Variants in FHIT observed in about 807,000 individuals in gnomAD.
The protein encoded by FHIT is fragile histidine triad diadenosine triphosphatase, also known as bis(5'-adenosyl)-triphosphatase.
A neutral mutation model predicts 17.9 loss-of-function variants in FHIT; 19 were observed. That is an observed-to-expected ratio of 1.06 (90% CI 0.74 to 1.56). FHIT has a LOEUF of 1.56. FHIT is among the 40% of genes most tolerant of loss of function. The pLI is 0.00. For missense variants in FHIT, 248 were observed against 189.2 expected (o/e 1.31, Z -1.82); for synonymous variants, 81 against 69.7 (o/e 1.16, Z -0.81).
chr3:60,706,925 C>G (rs1354643780), intron 4 of FHIT, among the ~76,000 whole-genome samples: 1 of 152,118 alleles, frequency 6.6e-6, no homozygotes, highest in Non-Finnish European at 1.5e-5. Flanking sequence ...TCATCTTGTC[C>G]GAGAATTAAT....
intron 5 of FHIT, among the ~76,000 whole-genome samples, chr3:60,284,358 C>A (rs1707614677): frequency 6.6e-6 from 1 of 152,104 alleles, no homozygotes; most frequent in African/African-American, 2.4e-5. Flanking sequence ...AATATCCTCA[C>A]TGAACACAGT....
At chr3:59,962,680 T>C (rs1340593665) in intron 7 of FHIT, among the ~76,000 whole-genome samples, 1 of 152,230 alleles carries the variant, frequency 6.6e-6, no homozygotes, top group Non-Finnish European at 1.5e-5. Flanking sequence ...GTAAACATCT[T>C]TTCTAACCTT....
chr3:60,398,051 C>A (rs1701519191), intron 5 of FHIT, among the ~76,000 whole-genome samples: 1 of 152,072 alleles, frequency 6.6e-6, no homozygotes, highest in Non-Finnish European at 1.5e-5. Flanking sequence ...TTTCTTTTCA[C>A]TTAATGAATT....
chr3:60,298,553 C>G (rs1421827765), intron 5 of FHIT, among the ~76,000 whole-genome samples: 1 of 152,134 alleles, frequency 6.6e-6, no homozygotes, highest in Non-Finnish European at 1.5e-5. Flanking sequence ...TGACTTTTTC[C>G]CAACCGTAAA....
At position 60,477,735 on chromosome 3, in the gene FHIT, T is replaced by C. The variant is rs181101361; in HGVS notation, c.103+59125A>G. On this transcript the variant is annotated intron_variant, in intron 5 of 9. Transcript: ENST00000492590. ...ATATAAACATGTATAGAACACAAAC[T>C]TGCATTTGTCTCAGGAATCAGGTAG... Among the ~76,000 whole-genome samples the C allele has an allele frequency of 3.6e-3, 550 of 152,284 alleles. 4 individuals carry two copies. Among genetic ancestry groups the C allele is most frequent in the African/African-American group, 0.013 (532 of 41,562 alleles).
chr3:59,912,571 A>C (rs1467218281), intron 8 of FHIT, among the ~76,000 whole-genome samples: 1 of 152,208 alleles, frequency 6.6e-6, no homozygotes, highest in Non-Finnish European at 1.5e-5. Context: ...CTTCATATCA[A>C]CTGATAGGGC....
At chr3:60,643,501 A>T (rs1164170381) in intron 4 of FHIT, among the ~76,000 whole-genome samples, 1 of 152,208 alleles carries the variant, frequency 6.6e-6, no homozygotes. Flanking sequence ...TTCAGACTAT[A>T]CTACGAGGCA....
intron 3 of FHIT, among the ~76,000 whole-genome samples, chr3:60,842,711 A>G (rs1553745485): frequency 6.7e-6 from 1 of 148,252 alleles, no homozygotes; most frequent in Non-Finnish European, 1.5e-5. Flanking sequence ...GAAAGTCCAC[A>G]TAAGATTAAG....
Position 61,140,458 on chromosome 3 carries a change from G to A in FHIT, c.-164+60159C>T, listed in dbSNP as rs537546310. 1.5e-3 allele frequency among the ~76,000 whole-genome samples: 228 copies of A among 152,286 alleles called. 1 individual carries two copies. Among genetic ancestry groups the A allele is most frequent in the Non-Finnish European group, 2.9e-3 (196 of 68,020 alleles). On this transcript the variant is annotated intron_variant, in intron 2 of 9. Transcript: ENST00000492590. ...TGCTATTAGAGAGTATGCAAAAGAG[G>A]AAATATAAAGAACGGCTTTGCTTTG...
intron 3 of FHIT, among the ~76,000 whole-genome samples, chr3:60,963,767 C>A (rs1385045195): frequency 6.6e-6 from 1 of 152,120 alleles, no homozygotes; most frequent in African/African-American, 2.4e-5. Flanking sequence ...ATCCTCAGTT[C>A]TTGTTTGATT....
At chr3:60,160,124 ATGTGTGTGTG>A (rs10565469) in intron 5 of FHIT, among the ~76,000 whole-genome samples, 3,600 of 151,010 alleles carry the variant, frequency 0.024, 155 homozygotes, top group African/African-American at 0.083. Flanking sequence ...TTCTGTGCTT[ATGTGTGTGTG>A]TGTGTGTGTC....
At chr3:60,285,595 C>T (rs1441695770) in intron 5 of FHIT, among the ~76,000 whole-genome samples, 2 of 152,074 alleles carry the variant, frequency 1.3e-5, no homozygotes, top group African/African-American at 4.8e-5. Context: ...ATTTTTCAGG[C>T]ATAATTACAG....
intron 8 of FHIT, among the ~76,000 whole-genome samples, chr3:59,778,526 C>T (rs758484078): frequency 6.6e-6 from 1 of 152,190 alleles, no homozygotes; most frequent in Non-Finnish European, 1.5e-5. Context: ...CTATTTCTGG[C>T]TCTTCAGGCC....
chr3:60,621,227 C>T (rs1012977827), intron 4 of FHIT, among the ~76,000 whole-genome samples: 1 of 145,378 alleles, frequency 6.9e-6, no homozygotes, highest in African/African-American at 2.6e-5. Flanking sequence ...GGACACACCA[C>T]AACCTCCACC....
chr3:61,003,846 C>T (rs796591599), intron 3 of FHIT, among the ~76,000 whole-genome samples: 9 of 152,332 alleles, frequency 5.9e-5, no homozygotes, highest in African/African-American at 2.2e-4. Flanking sequence ...GAAGAGAAAT[C>T]TGGCATGTCC....
At chr3:60,011,598 T>C (rs1700143394) in intron 6 of FHIT, among the ~76,000 whole-genome samples, 198 bp from the exon 7 acceptor site, 1 of 152,208 alleles carries the variant, frequency 6.6e-6, no homozygotes, top group Admixed American at 6.5e-5. Flanking sequence ...CGAAGTTATG[T>C]ATAAAAATGA....
intron 1 of FHIT, among the ~76,000 whole-genome samples, chr3:61,226,258 G>C (rs2039968263): frequency 6.6e-6 from 1 of 152,122 alleles, no homozygotes; most frequent in African/African-American, 2.4e-5. Context: ...TCAAATCTCA[G>C]GCCTTTTGAT....
intron 5 of FHIT, among the ~76,000 whole-genome samples, chr3:60,085,525 G>T (rs906574921): frequency 7.2e-5 from 11 of 152,176 alleles, no homozygotes; most frequent in Admixed American, 2.0e-4. Flanking sequence ...CAGAGCCAAA[G>T]CAAATTCTAA....
chr3:59,771,542 G>A lies in FHIT; in HGVS notation c.349-19221C>T, dbSNP rs12106780. 3.6e-3 allele frequency among the ~76,000 whole-genome samples: 549 copies of A among 152,282 alleles called. 3 individuals carry two copies. The highest frequency in any genetic ancestry group is 0.012 in the African/African-American group (513 of 41,560). On this transcript the variant is annotated intron_variant, in intron 8 of 9. Transcript: ENST00000492590. ...AGAGTGTTGTGAAGTAGAAGCTATC[G>A]CCTCCCACTTTGCAGATGGGGAAAT...
Sources: gnomAD v4.1 joint callset for allele counts (sites outside exome capture counted in the v4.1 genomes callset) on GRCh38, gnomAD v4.1.1 for gene constraint, MANE v1.5 for transcripts, NCBI Gene and HGNC (gene_info 2026-07-23, HGNC 2026-07-21) for gene names.